The following NCAPH variants were observed in gnomAD, a reference collection of about 807,000 sequenced individuals.
NCAPH encodes the protein non-SMC condensin I complex subunit H, also known as condensin complex subunit 2.
NCAPH carries 38 observed loss-of-function variants against 85.5 expected under a neutral mutation model. That is an observed-to-expected ratio of 0.44 (90% CI 0.34 to 0.58). The LOEUF is 0.58. Ranked by LOEUF, NCAPH falls within the 20% of genes least tolerant of loss-of-function variation. The pLI, the probability that NCAPH is intolerant of heterozygous loss-of-function variation, is 0.01. For synonymous variants in NCAPH, 301 were observed against 335.1 expected (o/e 0.90, Z 1.11); for missense variants, 789 against 916.6 (o/e 0.86, Z 1.80).
At chr2:96,353,117 C>G (rs534346210) in intron 7 of NCAPH, among the ~76,000 whole-genome samples, 189 bp from the exon 8 acceptor site, 1 of 152,350 alleles carries the variant, frequency 6.6e-6, no homozygotes, top group South Asian at 2.1e-4. Flanking sequence ...CGCATCTGCT[C>G]GCTCCCAGAA....
At chr2:96,362,257 A>AG (rs2064635356) in intron 12 of NCAPH, among the ~76,000 whole-genome samples, 1 of 150,764 alleles carries the variant, frequency 6.6e-6, no homozygotes, top group Non-Finnish European at 1.5e-5. Flanking sequence ...GATTCATGAG[A>AG]GGGGGTCAAA....
In NCAPH at chr2:96,369,414, T is replaced by C. The variant is rs2064743130; in HGVS notation, c.2091-11T>C. ...TGGCAGTGACCTAAATACTTGCCCC[T>C]TTCTTTCCAGCCTGCCCCCTGTCAT... On this transcript the variant is annotated splice_polypyrimidine_tract_variant and intron_variant, in intron 16 of 17. Transcript: ENST00000240423. 2 of 1,613,530 alleles carry C rather than the reference T, an allele frequency of 1.2e-6. No homozygotes were observed. Among genetic ancestry groups the C allele is most frequent in the South Asian group, 2.2e-5 (2 of 91,070 alleles).
At chr2:96,354,878 G>A (rs2104458215) in intron 9 of NCAPH, among the ~76,000 whole-genome samples, 1 of 152,282 alleles carries the variant, frequency 6.6e-6, no homozygotes, top group Admixed American at 6.5e-5. Flanking sequence ...ACGTCAATGT[G>A]GCTGTTGTTA....
At chr2:96,344,346 A>G (rs2064336238) in intron 6 of NCAPH, 117 bp downstream of exon 6, 1 of 1,138,060 alleles carries the variant, frequency 8.8e-7, no homozygotes. Context: ...AAGGGAGTAA[A>G]ATATTCAACT....
At chr2:96,358,848 G>T (rs908064139) in intron 9 of NCAPH, among the ~76,000 whole-genome samples, 197 bp from the exon 10 acceptor site, 12 of 152,134 alleles carry the variant, frequency 7.9e-5, no homozygotes, top group African/African-American at 2.7e-4. Context: ...GAAACTTCCA[G>T]AGTACTTGTA....
In NCAPH at chr2:96,343,268, G is replaced by A. The variant is rs1245421505; in HGVS notation, c.559G>A (p.Ala187Thr). 6.2e-7 allele frequency: 1 copy of A among 1,613,526 alleles called. No individual in the cohort carries two copies. The highest frequency in any genetic ancestry group is 1.7e-4 in the Middle Eastern group (1 of 6,054). The change falls in exon 5 of 18, where the codon GCA becomes ACA. Residue 187 changes from alanine (A) to threonine (T), a missense_variant. Ala to Thr is a moderately conservative substitution (Grantham distance 58). Coordinates refer to ENST00000240423, the MANE Select transcript of NCAPH (RefSeq NM_015341.5). Reference protein sequence around the residue: ...YRVLGGLGKDAPSLEEVEGHV... With the variant: ...YRVLGGLGKDTPSLEEVEGHV... ...AGTCCTTGGGGGGCTGGGCAAAGATGCACCGTCTTTGGAAGAAGTAGAAGG... is the reference window on the plus strand; with the variant it reads ...AGTCCTTGGGGGGCTGGGCAAAGATACACCGTCTTTGGAAGAAGTAGAAGG...
At chr2:96,363,820 T>C (rs2064659511) in intron 12 of NCAPH, among the ~76,000 whole-genome samples, 2 of 151,864 alleles carry the variant, frequency 1.3e-5, no homozygotes, top group Non-Finnish European at 2.9e-5. Flanking sequence ...ATTAAGGTAA[T>C]GGGTTTTCCT....
At chr2:96,348,432 G>A (rs1169786517) in intron 6 of NCAPH, among the ~76,000 whole-genome samples, 6 of 151,872 alleles carry the variant, frequency 4.0e-5, no homozygotes, top group South Asian at 2.1e-4. Context: ...CTTGTGATCC[G>A]CCGCCCGCCT....
intron 6 of NCAPH, 24 bp from the exon 7 acceptor site, chr2:96,351,805 TCA>T (rs769837224): frequency 6.4e-7 from 1 of 1,554,800 alleles, no homozygotes; most frequent in Admixed American, 2.0e-5. Context: ...CCGTAAATCT[TCA>T]GTTTCTTCTC....
At chr2:96,369,094 G>A in intron 16 of NCAPH, 31 bp downstream of exon 16, 1 of 1,548,094 alleles carries the variant, frequency 6.5e-7, no homozygotes, top group Non-Finnish European at 8.7e-7. Flanking sequence ...GGGCTTTGTT[G>A]GGGCTCACCT....
intron 17 of NCAPH, among the ~76,000 whole-genome samples, chr2:96,370,310 G>C (rs1397868238): frequency 6.6e-6 from 1 of 152,210 alleles, no homozygotes; most frequent in African/African-American, 2.4e-5. Flanking sequence ...CACCAACACT[G>C]TCAACTCCCC....
intron 17 of NCAPH, among the ~76,000 whole-genome samples, chr2:96,370,797 A>ACC (rs1158661528): frequency 1.3e-5 from 2 of 152,212 alleles, no homozygotes; most frequent in Non-Finnish European, 2.9e-5. Flanking sequence ...TGGGTGTTCA[A>ACC]ACCTGAGGCC....
intron 1 of NCAPH, among the ~76,000 whole-genome samples, chr2:96,340,597 G>A (rs1365752069): frequency 6.6e-6 from 1 of 151,662 alleles, no homozygotes; most frequent in East Asian, 1.9e-4. Flanking sequence ...CACCATATTG[G>A]CCAGCTGGTC....
At chr2:96,355,040 C>T (rs1364293692) in intron 9 of NCAPH, among the ~76,000 whole-genome samples, 7 of 151,666 alleles carry the variant, frequency 4.6e-5, no homozygotes, top group Admixed American at 2.6e-4. Flanking sequence ...AGACTGGGGA[C>T]GAGCAAGGCA....
At chr2:96,355,808 AT>A (rs2064517258) in intron 9 of NCAPH, among the ~76,000 whole-genome samples, 5 of 151,262 alleles carry the variant, frequency 3.3e-5, no homozygotes, top group Non-Finnish European at 5.9e-5. Context: ...TGCCTGACTA[AT>A]TTTTTTATTA....
chr2:96,339,984 G>A (rs1054138231), intron 1 of NCAPH, among the ~76,000 whole-genome samples: 2 of 151,926 alleles, frequency 1.3e-5, no homozygotes, highest in Admixed American at 6.6e-5. Flanking sequence ...GTGTAGTGGC[G>A]CCATCTCGGC....
chr2:96,336,537 A>C (rs2104405407), intron 1 of NCAPH, among the ~76,000 whole-genome samples: 1 of 152,312 alleles, frequency 6.6e-6, no homozygotes, highest in South Asian at 2.1e-4. Flanking sequence ...CCTGACCAGA[A>C]CATTGTGACC....
intron 6 of NCAPH, 107 bp downstream of exon 6, chr2:96,344,336 A>G: frequency 7.7e-7 from 1 of 1,297,908 alleles, no homozygotes; most frequent in South Asian, 1.8e-5. Context: ...TTTAAGCCTC[A>G]AGGGAGTAAA....
chr2:96,341,796 T>C lies in NCAPH; in HGVS notation c.174T>C (p.Asn58=). 1 of 1,614,142 alleles carries C rather than the reference T, an allele frequency of 6.2e-7. No homozygotes were observed. The highest frequency in any genetic ancestry group is 8.5e-7 in the Non-Finnish European group (1 of 1,180,040). The change falls in exon 2 of 18, where the codon AAT becomes AAC. Residue 58 remains asparagine (N), a synonymous_variant. Transcript: ENST00000240423. Reference sequence around the variant, plus strand: ...CAGTCCTCGAAGACTTTCCTCAGAATGACGATGAGAAGGAGCGGCTGCAGC... The same window carrying C: ...CAGTCCTCGAAGACTTTCCTCAGAACGACGATGAGAAGGAGCGGCTGCAGC... ...GTPVLEDFPQ[N]DDEKERLQRR... is the part of the protein sequence containing the mutation.
Sources: gnomAD v4.1 joint callset for allele counts (sites outside exome capture counted in the v4.1 genomes callset) on GRCh38, gnomAD v4.1.1 for gene constraint, MANE v1.5 for transcripts, NCBI Gene and HGNC (gene_info 2026-07-23, HGNC 2026-07-21) for gene names.